Variants in CTIF observed in about 807,000 individuals in gnomAD.
CTIF encodes CBP80/20-dependent translation initiation factor.
In CTIF, 21 loss-of-function variants were observed where a neutral mutation model predicts 66.0. The observed-to-expected ratio is 0.32, with a 90% confidence interval of 0.23 to 0.46. The LOEUF is 0.46. CTIF is among the 20% of genes least tolerant of loss of function. The pLI is 1.00. For missense variants in CTIF, 739 were observed against 812.7 expected (o/e 0.91, Z 1.10); for synonymous variants, 345 against 326.4 (o/e 1.06, Z -0.62).
intron 1 of CTIF, among the ~76,000 whole-genome samples, chr18:48,597,732 A>G (rs1030358561): frequency 6.6e-6 from 1 of 152,188 alleles, no homozygotes; most frequent in Non-Finnish European, 1.5e-5. Context: ...TTTTCTTTAT[A>G]AATTACCCAG....
chr18:48,767,179 C>T (rs888417491), intron 9 of CTIF, among the ~76,000 whole-genome samples: 7 of 152,108 alleles, frequency 4.6e-5, no homozygotes, highest in African/African-American at 1.7e-4. Context: ...TGTGGGGTGC[C>T]CAGGGTGCCT....
At chr18:48,681,705 C>A (rs2091745586) in intron 6 of CTIF, among the ~76,000 whole-genome samples, 1 of 152,182 alleles carries the variant, frequency 6.6e-6, no homozygotes, top group African/African-American at 2.4e-5. Flanking sequence ...GCCCCTGATC[C>A]AGCAGCACCA....
At chr18:48,750,328 G>C (rs954226106) in intron 7 of CTIF, among the ~76,000 whole-genome samples, 1 of 152,250 alleles carries the variant, frequency 6.6e-6, no homozygotes, top group African/African-American at 2.4e-5. Context: ...GATTTCCAGT[G>C]GGGTTGAGGG....
chr18:48,819,252 C>T (rs919423955), intron 10 of CTIF, among the ~76,000 whole-genome samples: 7 of 152,244 alleles, frequency 4.6e-5, no homozygotes, highest in African/African-American at 1.7e-4. Context: ...AATGCAGCTC[C>T]AGGAGGGCTG....
chr18:48,627,879 G>A (rs113514009), intron 2 of CTIF, among the ~76,000 whole-genome samples: 15 of 152,230 alleles, frequency 9.9e-5, no homozygotes, highest in African/African-American at 3.1e-4. Flanking sequence ...GAGTGGCCAG[G>A]GCAAAACTCT....
At position 48,547,817 on chromosome 18, in the gene CTIF, C is replaced by T. The variant is rs549849929; in HGVS notation, c.-29+8505C>T. ...ATAGATGTGAGGGTAGCTGAGCCGG[C>T]TGCATAGGCGCAGTCTGTGATGGGG... is the stretch of plus-strand genomic sequence containing the variant. On this transcript the variant is annotated intron_variant, in intron 1 of 11. Transcript: ENST00000256413. Among the ~76,000 whole-genome samples the T allele has an allele frequency of 3.3e-5, 5 of 152,342 alleles. No homozygotes were observed. In the East Asian group the frequency reaches 9.6e-4, roughly 29 times the overall value.
chr18:48,736,620 G>C (rs2092506115), intron 7 of CTIF, among the ~76,000 whole-genome samples: 1 of 152,212 alleles, frequency 6.6e-6, no homozygotes, highest in South Asian at 2.1e-4. Context: ...GGGGAAGAAG[G>C]AAAAACATAT....
chr18:48,627,373 T>C (rs2090621977), intron 2 of CTIF, among the ~76,000 whole-genome samples: 1 of 152,040 alleles, frequency 6.6e-6, no homozygotes, highest in East Asian at 1.9e-4. Flanking sequence ...AATGGGATGT[T>C]AGAAGGTGAT....
At chr18:48,546,007 C>A (rs771813002) in intron 1 of CTIF, among the ~76,000 whole-genome samples, 1 of 152,150 alleles carries the variant, frequency 6.6e-6, no homozygotes, top group South Asian at 2.1e-4. Context: ...AGAGGCATTT[C>A]GCTTTTTAAC....
intron 6 of CTIF, among the ~76,000 whole-genome samples, chr18:48,678,817 C>G (rs1488209899): frequency 1.3e-5 from 2 of 152,154 alleles, no homozygotes; most frequent in African/African-American, 4.8e-5. Flanking sequence ...CTGGGCAAGT[C>G]TGCCCACCCT....
At chr18:48,792,342 A>G (rs1272487408) in intron 9 of CTIF, among the ~76,000 whole-genome samples, 1 of 152,134 alleles carries the variant, frequency 6.6e-6, no homozygotes, top group African/African-American at 2.4e-5. Context: ...GGTCAGCGGG[A>G]TGCTGGGATC....
intron 1 of CTIF, among the ~76,000 whole-genome samples, chr18:48,581,748 C>T (rs935656014): frequency 1.3e-5 from 2 of 152,178 alleles, no homozygotes; most frequent in Non-Finnish European, 2.9e-5. Context: ...GCTTATTAAG[C>T]CCTGCTTATA....
At chr18:48,573,146 G>T (rs957661051) in intron 1 of CTIF, among the ~76,000 whole-genome samples, 2 of 152,178 alleles carry the variant, frequency 1.3e-5, no homozygotes, top group African/African-American at 4.8e-5. Flanking sequence ...GATCAGGAAG[G>T]CTGCCCTGGA....
intron 9 of CTIF, among the ~76,000 whole-genome samples, chr18:48,763,539 A>T (rs1909219205): frequency 6.6e-6 from 1 of 152,210 alleles, no homozygotes; most frequent in African/African-American, 2.4e-5. Context: ...AACTCAACAA[A>T]GTCCTCTGCA....
intron 3 of CTIF, among the ~76,000 whole-genome samples, chr18:48,653,374 A>G (rs1333056190): frequency 6.6e-6 from 1 of 152,204 alleles, no homozygotes; most frequent in Non-Finnish European, 1.5e-5. Flanking sequence ...TCCCATTCAC[A>G]ATTGCTACAA....
intron 1 of CTIF, among the ~76,000 whole-genome samples, chr18:48,611,046 G>C (rs1307099748): frequency 6.6e-6 from 1 of 152,218 alleles, no homozygotes; most frequent in Admixed American, 6.5e-5. Context: ...GCAGGCTGTT[G>C]AGGGATGTAA....
intron 6 of CTIF, among the ~76,000 whole-genome samples, chr18:48,691,571 G>T (rs779381420): frequency 2.6e-5 from 4 of 152,180 alleles, no homozygotes; most frequent in Non-Finnish European, 5.9e-5. Flanking sequence ...CTCCTAAAAG[G>T]TCTTTCCTTC....
At chr18:48,705,413 A>G (rs2092138962) in intron 6 of CTIF, among the ~76,000 whole-genome samples, 1 of 152,214 alleles carries the variant, frequency 6.6e-6, no homozygotes, top group South Asian at 2.1e-4. Context: ...AAGGACACCC[A>G]TCGTTGGATT....
intron 6 of CTIF, among the ~76,000 whole-genome samples, chr18:48,680,267 C>G (rs1056275197): frequency 2.0e-5 from 3 of 152,254 alleles, no homozygotes; most frequent in Non-Finnish European, 4.4e-5. Flanking sequence ...TTGGGCCAGA[C>G]CATATCCAGA....
Sources: allele counts gnomAD v4.1 joint callset (sites outside exome capture counted in the v4.1 genomes callset), GRCh38; gene constraint gnomAD v4.1.1; transcripts MANE v1.5; gene names NCBI Gene and HGNC (gene_info 2026-07-23, HGNC 2026-07-21).